AFF3: variants seen among roughly 807,000 people sequenced by gnomAD.
AFF3 encodes the protein ALF transcription elongation factor 3.
Under a neutral mutation model 129.7 loss-of-function variants are expected in AFF3, and 32 were observed. The ratio of observed to expected loss-of-function variants is 0.25; its 90% CI spans 0.19 to 0.33. The LOEUF (loss-of-function observed/expected upper bound fraction) is 0.33, where lower values mean the gene tolerates loss of function less well. AFF3 is among the 10% of genes least tolerant of loss of function. The probability of loss-of-function intolerance (pLI) is 1.00; values close to 1 mark genes in which losing one functional copy is unlikely to be tolerated. For missense variants in AFF3, 1,373 were observed against 1,592.0 expected (o/e 0.86, Z 2.34); for synonymous variants, 644 against 635.4 (o/e 1.01, Z -0.20).
chr2:99,733,359 G>A (rs1232706790), intron 10 of AFF3, among the ~76,000 whole-genome samples: 1 of 135,014 alleles, frequency 7.4e-6, no homozygotes, highest in African/African-American at 2.7e-5. Context: ...CAGCCTGGGC[G>A]ACAGAGCGAG....
intron 7 of AFF3, among the ~76,000 whole-genome samples, chr2:99,901,783 CA>C (rs1368850873): frequency 6.6e-6 from 1 of 152,168 alleles, no homozygotes; most frequent in East Asian, 1.9e-4. Flanking sequence ...GCTGCAGTCA[CA>C]GGGATGTTTC....
chr2:99,675,041 C>T (rs1170634766), intron 11 of AFF3, among the ~76,000 whole-genome samples: 1 of 152,198 alleles, frequency 6.6e-6, no homozygotes, highest in African/African-American at 2.4e-5. Context: ...AGCATTTGTG[C>T]TTCTATAATG....
chr2:99,563,298 C>T (rs1238188102), intron 20 of AFF3, among the ~76,000 whole-genome samples: 1 of 151,696 alleles, frequency 6.6e-6, no homozygotes, highest in Non-Finnish European at 1.5e-5. Context: ...TCACGCCATT[C>T]TCCTGCCTCA....
chr2:99,687,034 G>A (rs1575694741), intron 11 of AFF3, among the ~76,000 whole-genome samples: 1 of 152,356 alleles, frequency 6.6e-6, no homozygotes, highest in Middle Eastern at 3.4e-3. Flanking sequence ...GGGAGCTCCA[G>A]TCTGGAAGGG....
At chr2:99,800,302 A>G (rs1026458902) in intron 8 of AFF3, among the ~76,000 whole-genome samples, 1 of 152,238 alleles carries the variant, frequency 6.6e-6, no homozygotes, top group Non-Finnish European at 1.5e-5. Flanking sequence ...TGGATGGAAA[A>G]TAAGTGTATG....
Position 99,549,766 on chromosome 2 carries a change from C to A in AFF3, c.*1708G>T. On this transcript the variant is annotated 3_prime_UTR_variant, in exon 25 of 25. Transcript: ENST00000672756. ...TCATTTATACAATTTTGAATCAGTG[C>A]TCAGAGCTAAGGAATTATGATGATC... is the stretch of plus-strand genomic sequence containing the variant. 1 of 216,886 alleles carries A rather than the reference C, an allele frequency of 4.6e-6. No individual in the cohort carries two copies. The allele number at this position is 216,886 out of a possible 1,614,324, so 13.4% of individuals were successfully genotyped here.
At chr2:99,916,164 G>A (rs1164812122) in intron 7 of AFF3, among the ~76,000 whole-genome samples, 1 of 152,096 alleles carries the variant, frequency 6.6e-6, no homozygotes, top group African/African-American at 2.4e-5. Context: ...TGGCCCTACA[G>A]GAGAGCTCAG....
chr2:99,702,579 T>C (rs555577024), intron 11 of AFF3, among the ~76,000 whole-genome samples: 1 of 152,322 alleles, frequency 6.6e-6, no homozygotes, highest in South Asian at 2.1e-4. Context: ...ACTCAAGTGA[T>C]CTGCCTGCCT....
intron 13 of AFF3, among the ~76,000 whole-genome samples, chr2:99,630,110 G>A (rs976731435): frequency 1.3e-5 from 2 of 152,180 alleles, no homozygotes; most frequent in African/African-American, 4.8e-5. Context: ...AGCTCAGGAA[G>A]ACCCACATTT....
At chr2:99,747,879 C>A (rs190051056) in intron 9 of AFF3, among the ~76,000 whole-genome samples, 19 of 152,128 alleles carry the variant, frequency 1.2e-4, no homozygotes, top group African/African-American at 4.6e-4. Flanking sequence ...GGCTATAAAC[C>A]CAGTGTTCTA....
intron 8 of AFF3, among the ~76,000 whole-genome samples, chr2:99,821,566 AG>A (rs1245494670): frequency 6.6e-6 from 1 of 152,230 alleles, no homozygotes; most frequent in Non-Finnish European, 1.5e-5. Flanking sequence ...CCGCATTCAA[AG>A]CCGTCCTGGG....
chr2:99,659,569 C>T (rs1045686025), intron 12 of AFF3, among the ~76,000 whole-genome samples: 1 of 152,094 alleles, frequency 6.6e-6, no homozygotes, highest in African/African-American at 2.4e-5. Flanking sequence ...CTGTGACATA[C>T]AATTTTAGGG....
chr2:99,955,014 GA>G (rs538346279), intron 7 of AFF3, among the ~76,000 whole-genome samples: 59 of 151,214 alleles, frequency 3.9e-4, no homozygotes, highest in African/African-American at 1.2e-3. Flanking sequence ...AAGAAAGCTG[GA>G]AAAAAAAGTA....
intron 4 of AFF3, among the ~76,000 whole-genome samples, chr2:100,013,139 T>C (rs957774575): frequency 9.2e-5 from 14 of 152,220 alleles, no homozygotes; most frequent in African/African-American, 3.1e-4. Flanking sequence ...TTTTGATCAT[T>C]TCTCACTTAT....
intron 7 of AFF3, among the ~76,000 whole-genome samples, chr2:99,936,644 C>T (rs1674551535): frequency 6.6e-6 from 1 of 152,270 alleles, no homozygotes; most frequent in Admixed American, 6.5e-5. Flanking sequence ...ACTCAGAAGA[C>T]CCCAGGAAGG....
chr2:99,944,623 A>G (rs1675383299), intron 7 of AFF3, among the ~76,000 whole-genome samples: 1 of 151,974 alleles, frequency 6.6e-6, no homozygotes, highest in Non-Finnish European at 1.5e-5. Flanking sequence ...CTGCTCTACT[A>G]CTTTTTGTTT....
intron 8 of AFF3, among the ~76,000 whole-genome samples, chr2:99,762,754 T>C (rs1682720203): frequency 6.6e-6 from 1 of 152,244 alleles, no homozygotes; most frequent in South Asian, 2.1e-4. Context: ...GAATTCTTTG[T>C]GCTCAGAAAC....
intron 8 of AFF3, among the ~76,000 whole-genome samples, chr2:99,799,737 A>C (rs1336367093): frequency 8.5e-5 from 13 of 152,166 alleles, no homozygotes. Context: ...AGTGACCAAG[A>C]CAGTGTGATA....
chr2:99,735,703 G>C (rs1233666308), intron 10 of AFF3, among the ~76,000 whole-genome samples: 1 of 152,158 alleles, frequency 6.6e-6, no homozygotes, highest in Admixed American at 6.5e-5. Flanking sequence ...ACGTTGGCCA[G>C]ACTGGTCTCG....
Sources: gnomAD v4.1 joint callset for allele counts (sites outside exome capture counted in the v4.1 genomes callset) on GRCh38, gnomAD v4.1.1 for gene constraint, MANE v1.5 for transcripts, NCBI Gene and HGNC (gene_info 2026-07-23, HGNC 2026-07-21) for gene names.